The following NEBL variants were observed in gnomAD, a reference collection of about 807,000 sequenced individuals.
The protein encoded by NEBL is LIM and SH3 protein 2.
A neutral mutation model predicts 140.2 loss-of-function variants in NEBL; 122 were observed. The observed-to-expected ratio is 0.87, with a 90% CI of 0.75 to 1.01. The LOEUF (loss-of-function observed/expected upper bound fraction) is 1.01. Ranked by LOEUF, NEBL falls within the 50% of genes least tolerant of loss-of-function variation. NEBL has a pLI of 0.00. For missense variants in NEBL, 1,365 were observed against 1,231.3 expected (o/e 1.11, Z -1.62); for synonymous variants, 436 against 398.9 (o/e 1.09, Z -1.11).
In NEBL at chr10:20,895,260, T is replaced by C. The variant is rs1023260859; in HGVS notation, c.153+1698A>G. Among the ~76,000 whole-genome samples the C allele has an allele frequency of 1.2e-4, 18 of 152,244 alleles. 1 individual carries two copies. Among genetic ancestry groups the C allele is most frequent in the African/African-American group, 4.1e-4 (17 of 41,538 alleles). On this transcript the variant is annotated intron_variant, in intron 2 of 27. Coordinates refer to ENST00000377122, the MANE Select transcript of NEBL (RefSeq NM_006393.3). Reference sequence around the variant, plus strand: ...ATAATTGCACTTCAATAAAAATATATCAAAGCTGGAAGAGGTTAGGAACTC... The same window carrying C: ...ATAATTGCACTTCAATAAAAATATACCAAAGCTGGAAGAGGTTAGGAACTC...
At chr10:21,060,117 A>C (rs1835207761) in intron 2 of NEBL, among the ~76,000 whole-genome samples, 1 of 152,206 alleles carries the variant, frequency 6.6e-6, no homozygotes, top group Non-Finnish European at 1.5e-5. Context: ...AGATGCAGCC[A>C]GATCTCCCAG....
chr10:20,968,340 TAA>T (rs201526111), intron 3 of NEBL, among the ~76,000 whole-genome samples: 1 of 139,900 alleles, frequency 7.1e-6, no homozygotes, highest in Non-Finnish European at 1.6e-5. Flanking sequence ...CCCCATCTCT[TAA>T]AAAAAAAAAA....
rs375256840 is a variant in NEBL at position 21,248,841 on chromosome 10, G to GTT, written n.280-854_280-853dup. ...GCCAATCTTTGTTGTTTTCTGTTTTGTTTTTTTTTTTGACAATAGACATCC... is the reference window on the plus strand; with the variant it reads ...GCCAATCTTTGTTGTTTTCTGTTTTGTTTTTTTTTTTTTGACAATAGACATCC... On this transcript the variant is annotated intron_variant and non_coding_transcript_variant, in intron 2 of 8. Transcript: ENST00000675702. Among the ~76,000 whole-genome samples, 759 of 143,588 alleles carry GTT rather than the reference G, an allele frequency of 5.3e-3. 10 individuals are homozygous for GTT. Among genetic ancestry groups the GTT allele is most frequent in the African/African-American group, 0.018 (710 of 39,460 alleles). 94.2% of individuals were successfully genotyped at this position (143,588 alleles called of 152,430 possible). A position where few individuals can be genotyped will look rare whatever the true frequency, so the allele number is the denominator to read the frequency against.
At chr10:20,920,492 G>A (rs1489373705) in intron 4 of NEBL, among the ~76,000 whole-genome samples, 1 of 152,188 alleles carries the variant, frequency 6.6e-6, no homozygotes, top group Non-Finnish European at 1.5e-5. Context: ...CCGCTAAGGA[G>A]TCCAGGATAC....
chr10:20,787,333 C>G, intron 26 of NEBL, 25 bp from the exon 27 acceptor site: 1 of 1,562,280 alleles, frequency 6.4e-7, no homozygotes, highest in Non-Finnish European at 8.8e-7. Context: ...TACACACACA[C>G]AAAGATTCCT....
chr10:20,974,616 A>G (rs1836716393), intron 3 of NEBL, among the ~76,000 whole-genome samples: 1 of 152,214 alleles, frequency 6.6e-6, no homozygotes, highest in Non-Finnish European at 1.5e-5. Flanking sequence ...CAATGTAAAC[A>G]AGATCTGAAA....
At chr10:20,979,630 G>A (rs1589103067) in intron 3 of NEBL, among the ~76,000 whole-genome samples, 1 of 152,264 alleles carries the variant, frequency 6.6e-6, no homozygotes, top group African/African-American at 2.4e-5. Flanking sequence ...CTGATTGACT[G>A]AATAAAGGTA....
chr10:21,275,868 G>A (rs1416511179), intron 1 of NEBL, among the ~76,000 whole-genome samples: 1 of 144,592 alleles, frequency 6.9e-6, no homozygotes, highest in Non-Finnish European at 1.5e-5. Flanking sequence ...ATATTGGTCA[G>A]GCTGGTCTTG....
At chr10:21,086,650 C>T (rs1394900287) in intron 2 of NEBL, among the ~76,000 whole-genome samples, 2 of 152,094 alleles carry the variant, frequency 1.3e-5, no homozygotes, top group African/African-American at 4.8e-5. Context: ...TGGTGGTGTG[C>T]ACCTGTAGTC....
chr10:21,076,444 C>CAAA (rs56013237), intron 2 of NEBL, among the ~76,000 whole-genome samples: 26 of 50,072 alleles, frequency 5.2e-4, no homozygotes, highest in Non-Finnish European at 7.3e-4. Context: ...GACTCAGTTT[C>CAAA]AAAAAAAAAA....
intron 1 of NEBL, among the ~76,000 whole-genome samples, chr10:21,290,512 C>T (rs1040442078): frequency 1.3e-5 from 2 of 152,138 alleles, no homozygotes; most frequent in Non-Finnish European, 2.9e-5. Flanking sequence ...TAGCCCCTTC[C>T]TAGGAATCTT....
Position 20,785,193 on chromosome 10 carries a change from G to A in NEBL, c.*554C>T, listed in dbSNP as rs552437129. The A allele has an allele frequency of 5.3e-4, 85 of 161,476 alleles. No homozygotes were observed. Among genetic ancestry groups the A allele is most frequent in the Non-Finnish European group, 9.0e-4 (66 of 73,340 alleles). 10.0% of individuals were successfully genotyped at this position (161,476 alleles called of 1,614,324 possible). On this transcript the variant is annotated 3_prime_UTR_variant, in exon 28 of 28. Transcript: ENST00000377122. ...GGGAACAAGGAAATTTCTCTGTTTA[G>A]TAGAAGTTTCTAGATCCCTAAGGCC...
At chr10:20,970,703 T>A (rs2131637020) in intron 3 of NEBL, among the ~76,000 whole-genome samples, 1 of 152,080 alleles carries the variant, frequency 6.6e-6, no homozygotes, top group South Asian at 2.1e-4. Context: ...AATTACAAGG[T>A]ACATATATCA....
intron 1 of NEBL, among the ~76,000 whole-genome samples, chr10:21,285,082 T>C (rs542595151): frequency 2.0e-5 from 3 of 152,292 alleles, no homozygotes; most frequent in Admixed American, 6.5e-5. Context: ...AAAAGCACCA[T>C]CCTAACTGAG....
At chr10:21,085,179 G>A (rs1836567493) in intron 2 of NEBL, among the ~76,000 whole-genome samples, 1 of 152,062 alleles carries the variant, frequency 6.6e-6, no homozygotes, top group Non-Finnish European at 1.5e-5. Context: ...TATTTCTCAC[G>A]CTCCATCACA....
chr10:21,056,029 C>T (rs117365503), intron 2 of NEBL, among the ~76,000 whole-genome samples: 5 of 152,136 alleles, frequency 3.3e-5, no homozygotes, highest in Admixed American at 6.5e-5. Flanking sequence ...TATTCAGAGT[C>T]CTGCCTTAAC....
At chr10:21,281,903 C>A (rs1392157215) in intron 1 of NEBL, among the ~76,000 whole-genome samples, 1 of 152,190 alleles carries the variant, frequency 6.6e-6, no homozygotes, top group Non-Finnish European at 1.5e-5. Flanking sequence ...TCCAGAATGT[C>A]ATGTAACTTT....
intron 4 of NEBL, among the ~76,000 whole-genome samples, chr10:20,941,536 C>T (rs1226280402): frequency 1.3e-5 from 2 of 151,788 alleles, no homozygotes; most frequent in East Asian, 1.9e-4. Flanking sequence ...GACAGGGATG[C>T]CCTCTCTCAT....
chr10:21,051,902 G>A (rs1834795863), intron 2 of NEBL, among the ~76,000 whole-genome samples: 2 of 152,074 alleles, frequency 1.3e-5, no homozygotes, highest in African/African-American at 4.8e-5. Flanking sequence ...GGGTGTGGTG[G>A]TGTGCTGGCC....
Sources: gnomAD v4.1 joint callset for allele counts (sites outside exome capture counted in the v4.1 genomes callset) on GRCh38, gnomAD v4.1.1 for gene constraint, MANE v1.5 for transcripts, NCBI Gene and HGNC (gene_info 2026-07-23, HGNC 2026-07-21) for gene names.